The following HSPA4 variants were observed in gnomAD, a reference collection of about 807,000 sequenced individuals.
HSPA4 encodes the protein heat shock 70 kDa protein 4.
In HSPA4, 25 loss-of-function variants were observed where a neutral mutation model predicts 106.2. That is an observed-to-expected ratio of 0.24 (90% CI 0.17 to 0.33). The LOEUF is 0.33. Among genes scored for constraint, HSPA4 ranks in the 10% least tolerant of loss-of-function variants. HSPA4 has a pLI of 1.00. For synonymous variants in HSPA4, 332 were observed against 333.6 expected, an observed-to-expected ratio of 1.00 and a Z score of 0.05; for missense variants, 841 against 996.0, an observed-to-expected ratio of 0.84 and a Z score of 2.10.
intron 4 of HSPA4, among the ~76,000 whole-genome samples, chr5:133,072,403 T>TTTG (rs1350227778): frequency 7.1e-6 from 1 of 141,038 alleles, no homozygotes; most frequent in African/African-American, 2.7e-5. Context: ...TTTTTTTTTT[T>TTTG]TTTTTTTTTT....
At chr5:133,082,527 A>G (rs374674194) in intron 7 of HSPA4, among the ~76,000 whole-genome samples, 34 of 152,108 alleles carry the variant, frequency 2.2e-4, no homozygotes, top group African/African-American at 8.2e-4. Flanking sequence ...GTGCAGTGGT[A>G]CTATCTCCGC....
At chr5:133,082,014 AACAACCCAAAT>A (rs1361636020) in intron 7 of HSPA4, among the ~76,000 whole-genome samples, 2 of 152,244 alleles carry the variant, frequency 1.3e-5, no homozygotes, top group African/African-American at 4.8e-5. Flanking sequence ...AAAAAGTGGA[AACAACCCAAAT>A]GTTCATCAAC....
At chr5:133,053,430 C>T (rs1765109697) in intron 1 of HSPA4, among the ~76,000 whole-genome samples, 1 of 151,434 alleles carries the variant, frequency 6.6e-6, no homozygotes, top group Non-Finnish European at 1.5e-5. Context: ...CAGCCTCGAC[C>T]TCCCTGGCTC....
intron 4 of HSPA4, among the ~76,000 whole-genome samples, chr5:133,071,065 G>A (rs947668564): frequency 4.6e-5 from 7 of 151,320 alleles, no homozygotes; most frequent in South Asian, 2.1e-4. Flanking sequence ...TTTTTTCATC[G>A]CCTAGCATAG....
chr5:133,101,697 A>T, intron 16 of HSPA4, 62 bp from the exon 17 acceptor site: 1 of 1,487,662 alleles, frequency 6.7e-7, no homozygotes, highest in Non-Finnish European at 9.2e-7. Flanking sequence ...CACTAGTTTT[A>T]GTGGAATCAG....
chr5:133,096,694 C>A (rs915646840), intron 14 of HSPA4, among the ~76,000 whole-genome samples: 1 of 152,136 alleles, frequency 6.6e-6, no homozygotes, highest in Non-Finnish European at 1.5e-5. Context: ...CTGAGTGATG[C>A]AAGGTTTGGG....
chr5:133,093,591 A>G (rs1213904384), intron 13 of HSPA4, among the ~76,000 whole-genome samples: 1 of 152,050 alleles, frequency 6.6e-6, no homozygotes, highest in African/African-American at 2.4e-5. Context: ...TCCAGGTTCA[A>G]GCGATTCTTA....
intron 12 of HSPA4, among the ~76,000 whole-genome samples, chr5:133,091,996 T>C (rs958787808): frequency 6.6e-6 from 1 of 151,948 alleles, no homozygotes; most frequent in Non-Finnish European, 1.5e-5. Context: ...CTGCAGTGAG[T>C]CCTGTTTGCG....
At chr5:133,090,272 C>T (rs2126711492) in intron 11 of HSPA4, among the ~76,000 whole-genome samples, 1 of 149,412 alleles carries the variant, frequency 6.7e-6, no homozygotes, top group South Asian at 2.1e-4. Flanking sequence ...TAAAAAAATA[C>T]AAAAAAAAAT....
chr5:133,054,538 A>G (rs935615363), intron 1 of HSPA4, among the ~76,000 whole-genome samples: 2 of 152,296 alleles, frequency 1.3e-5, no homozygotes, highest in East Asian at 1.9e-4. Context: ...ATACTATACA[A>G]TTTAACCAGA....
chr5:133,070,730 C>T lies in HSPA4; in HGVS notation c.429+234C>T, dbSNP rs139380790. ...CAGCCTGGCCAACATGGTAAAACCCCGTCTCTACTAAAAATACAAAAATTA... is the reference window on the plus strand; with the variant it reads ...CAGCCTGGCCAACATGGTAAAACCCTGTCTCTACTAAAAATACAAAAATTA... On this transcript the variant is annotated intron_variant, in intron 4 of 18. Transcript: ENST00000304858. Among the ~76,000 whole-genome samples the T allele has an allele frequency of 9.4e-3, 1,423 of 151,990 alleles. 23 individuals are homozygous for T. Among genetic ancestry groups the T allele is most frequent in the African/African-American group, 0.032 (1,338 of 41,442 alleles).
chr5:133,068,113 C>T (rs544762578), intron 3 of HSPA4, among the ~76,000 whole-genome samples: 4 of 151,962 alleles, frequency 2.6e-5, no homozygotes, highest in African/African-American at 7.2e-5. Flanking sequence ...AGGTTGGTCT[C>T]GAACTCCTGA....
chr5:133,090,990 G>A (rs1765640085), intron 11 of HSPA4: 2 of 661,452 alleles, frequency 3.0e-6, no homozygotes, highest in South Asian at 3.0e-5. Flanking sequence ...ATTGGGGCAG[G>A]ATAAGATAAT....
chr5:133,070,301 A>G (rs1235108697), intron 3 of HSPA4, 73 bp from the exon 4 acceptor site: 1 of 1,439,134 alleles, frequency 6.9e-7, no homozygotes, highest in East Asian at 2.4e-5. Flanking sequence ...AGCATTGTTC[A>G]TTTTAGCTTT....
intron 1 of HSPA4, among the ~76,000 whole-genome samples, chr5:133,060,726 A>G (rs1296126641): frequency 6.6e-6 from 1 of 151,650 alleles, no homozygotes; most frequent in Non-Finnish European, 1.5e-5. Flanking sequence ...TCGTTTTTTA[A>G]TGGAAGTAGG....
chr5:133,057,687 G>C (rs897742090), intron 1 of HSPA4, among the ~76,000 whole-genome samples: 27 of 152,168 alleles, frequency 1.8e-4, no homozygotes, highest in African/African-American at 6.3e-4. Context: ...GTAATTTCTA[G>C]GACTTAAAGA....
chr5:133,061,344 G>A (rs1478814791), intron 1 of HSPA4, among the ~76,000 whole-genome samples: 5 of 151,712 alleles, frequency 3.3e-5, no homozygotes, highest in South Asian at 2.1e-4. Context: ...GGATGGTCTC[G>A]ATTTCTTGAT....
Position 133,052,246 on chromosome 5 carries a change from G to T in HSPA4, c.-5G>T. 6.3e-7 allele frequency: 1 copy of T among 1,579,808 alleles called. No individual in the cohort carries two copies. Among genetic ancestry groups the T allele is most frequent in the African/African-American group, 1.3e-5 (1 of 74,322 alleles). On this transcript the variant is annotated 5_prime_UTR_variant, in exon 1 of 19. Transcript: ENST00000304858. ...CGGGCCCGAGCCCGAGCAGTAGCCG[G>T]CGCCATGTCGGTGGTGGGCATAGAC...
At chr5:133,059,318 G>A (rs775379042) in intron 1 of HSPA4, among the ~76,000 whole-genome samples, 1 of 150,692 alleles carries the variant, frequency 6.6e-6, no homozygotes, top group Non-Finnish European at 1.5e-5. Flanking sequence ...TGTGGTGGCA[G>A]GTTCCTGTAA....
Sources: allele counts gnomAD v4.1 joint callset (sites outside exome capture counted in the v4.1 genomes callset), GRCh38; gene constraint gnomAD v4.1.1; transcripts MANE v1.5; gene names NCBI Gene and HGNC (gene_info 2026-07-23, HGNC 2026-07-21).